The following SNTN variants were observed in gnomAD, a reference collection of about 807,000 sequenced individuals.
SNTN encodes the protein sentan, cilia apical structure protein.
In SNTN, 13 loss-of-function variants were observed where a neutral mutation model predicts 12.3. That is an observed-to-expected ratio of 1.05 (90% CI 0.69 to 1.67). The LOEUF (loss-of-function observed/expected upper bound fraction) is 1.67, where lower values mean the gene tolerates loss of function less well. SNTN is among the 40% of genes most tolerant of loss of function. The pLI is 0.00. For missense variants in SNTN, 189 were observed against 169.8 expected (o/e 1.11, Z -0.63); for synonymous variants, 69 against 58.5 (o/e 1.18, Z -0.82).
chr3:63,662,266 G>C (rs1410459354), intron 3 of SNTN, among the ~76,000 whole-genome samples: 1 of 152,152 alleles, frequency 6.6e-6, no homozygotes, highest in Non-Finnish European at 1.5e-5. Context: ...TCCTAACTGG[G>C]CTTTCTCCTC....
Position 63,664,535 on chromosome 3 carries a change from A to T in SNTN, c.*440A>T, listed in dbSNP as rs1565984. ...GAGATAGACATTGAACAATTTTTAA[A>T]TAATTGCATACACAGTATAATTAGA... On this transcript the variant is annotated 3_prime_UTR_variant, in exon 4 of 4. Coordinates refer to ENST00000343837, the MANE Select transcript of SNTN (RefSeq NM_001080537.2). 0.17 allele frequency: 26,014 copies of T among 154,312 alleles called. 2,250 individuals carry two copies. Among genetic ancestry groups the T allele is most frequent in the African/African-American group, 0.2 (8,263 of 41,508 alleles). The allele number at this position is 154,312 out of a possible 1,614,324, so 9.6% of individuals were successfully genotyped here. A position where few individuals can be genotyped will look rare whatever the true frequency, so the allele number is the denominator to read the frequency against.
chr3:63,664,178 A>G lies in SNTN; in HGVS notation c.*83A>G. The G allele has an allele frequency of 1.5e-6, 2 of 1,318,280 alleles. No individual in the cohort carries two copies. Among genetic ancestry groups the G allele is most frequent in the Non-Finnish European group, 2.1e-6 (2 of 975,562 alleles). 81.7% of individuals were successfully genotyped at this position (1,318,280 alleles called of 1,614,324 possible). On this transcript the variant is annotated 3_prime_UTR_variant, in exon 4 of 4. Coordinates refer to ENST00000343837, the MANE Select transcript of SNTN (RefSeq NM_001080537.2). ...CCATCTTATTTTTGATTAATTGAAT[A>G]TATCTATCATGCATCTGAAATTGCC...
At position 63,664,378 on chromosome 3, in the gene SNTN, T is replaced by G; in HGVS notation, c.*283T>G. On this transcript the variant is annotated 3_prime_UTR_variant, in exon 4 of 4. Coordinates refer to ENST00000343837, the MANE Select transcript of SNTN (RefSeq NM_001080537.2). ...CAGTAGCGACCTAGAGCACTCTACTTATAGTCATTGAGTCACTCATTTATT... is the reference window on the plus strand; with the variant it reads ...CAGTAGCGACCTAGAGCACTCTACTGATAGTCATTGAGTCACTCATTTATT... The G allele has an allele frequency of 3.9e-6, 1 of 256,512 alleles. No homozygotes were observed. 15.9% of individuals were successfully genotyped at this position (256,512 alleles called of 1,614,324 possible).
In SNTN at chr3:63,664,208, A is replaced by T. The variant is rs901364377; in HGVS notation, c.*113A>T. 8 of 1,057,226 alleles carry T rather than the reference A, an allele frequency of 7.6e-6. No homozygotes were observed. Among genetic ancestry groups the T allele is most frequent in the Middle Eastern group, 3.1e-4 (1 of 3,198 alleles). 65.5% of individuals were successfully genotyped at this position (1,057,226 alleles called of 1,614,324 possible). On this transcript the variant is annotated 3_prime_UTR_variant, in exon 4 of 4. Transcript: ENST00000343837. ...TATCATGCATCTGAAATTGCCTAGG[A>T]TGGTTCTGATTGCTGGTATTCAGAT... is the stretch of plus-strand genomic sequence containing the variant.
chr3:63,662,785 C>A (rs1410900316), intron 3 of SNTN, among the ~76,000 whole-genome samples: 1 of 152,180 alleles, frequency 6.6e-6, no homozygotes, highest in African/African-American at 2.4e-5. Flanking sequence ...GTACACCTAG[C>A]ACATGGGTGA....
intron 2 of SNTN, among the ~76,000 whole-genome samples, chr3:63,658,230 C>T (rs1185499431): frequency 6.6e-6 from 1 of 151,958 alleles, no homozygotes; most frequent in Admixed American, 6.6e-5. Context: ...TCACCCTGAA[C>T]CTCACCCTTT....
At chr3:63,656,621 G>A (rs1700682009) in intron 2 of SNTN, among the ~76,000 whole-genome samples, 1 of 152,038 alleles carries the variant, frequency 6.6e-6, no homozygotes, top group Non-Finnish European at 1.5e-5. Context: ...CTTTAAAGTG[G>A]CCATCTATCA....
At position 63,652,775 on chromosome 3, in the gene SNTN, G is replaced by T. The variant is rs753635859; in HGVS notation, c.88G>T (p.Ala30Ser). 6.8e-6 allele frequency: 11 copies of T among 1,614,006 alleles called. No homozygotes were observed. The highest frequency in any genetic ancestry group is 8.5e-6 in the Non-Finnish European group (10 of 1,179,920). The change falls in exon 1 of 4, where the codon GCA becomes TCA. Residue 30 changes from alanine to serine, a missense_variant. Ala to Ser is a moderately conservative substitution (Grantham distance 99). Coordinates refer to ENST00000343837, the MANE Select transcript of SNTN (RefSeq NM_001080537.2). Reference sequence around the variant, plus strand: ...TTCTGCAGCCCCAACATCCACCTGCGCACCTAGGAAAATGCCCAAAAGGTC... The same window carrying T: ...TTCTGCAGCCCCAACATCCACCTGCTCACCTAGGAAAATGCCCAAAAGGTC... ...NPSAAPTSTCAPRKMPKRISI... is the reference protein window; with the variant it reads ...NPSAAPTSTCSPRKMPKRISI...
In SNTN at chr3:63,660,973, T is replaced by C. The variant is rs1366486710; in HGVS notation, c.285+1109T>C. ...CATTGAATACCATATTTAGTATTTT[T>C]CCCACAACTGCCTATAGCCTGTGTT... On this transcript the variant is annotated intron_variant, in intron 3 of 3. Coordinates refer to ENST00000343837, the MANE Select transcript of SNTN (RefSeq NM_001080537.2). 1.2e-4 allele frequency among the ~76,000 whole-genome samples: 19 copies of C among 152,240 alleles called. 1 individual carries two copies. Among genetic ancestry groups the C allele is most frequent in the Non-Finnish European group, 2.8e-4 (19 of 68,040 alleles).
intron 1 of SNTN, 91 bp downstream of exon 1, chr3:63,652,888 G>A: frequency 8.3e-7 from 1 of 1,210,000 alleles, no homozygotes; most frequent in Non-Finnish European, 1.2e-6. Context: ...TATAAGCCAA[G>A]TTATTGCCAG....
intron 3 of SNTN, among the ~76,000 whole-genome samples, chr3:63,661,909 T>C (rs1442955465): frequency 6.6e-6 from 1 of 152,158 alleles, no homozygotes; most frequent in South Asian, 2.1e-4. Context: ...ACCATCTTGA[T>C]GTAACTCATC....
intron 2 of SNTN, among the ~76,000 whole-genome samples, chr3:63,659,108 A>G (rs928486246): frequency 6.6e-6 from 1 of 152,190 alleles, no homozygotes; most frequent in Non-Finnish European, 1.5e-5. Flanking sequence ...TAACTTGTAC[A>G]TTTCCCTGTG....
intron 3 of SNTN, among the ~76,000 whole-genome samples, chr3:63,660,990 G>C (rs1369420568): frequency 6.6e-6 from 1 of 152,160 alleles, no homozygotes; most frequent in East Asian, 1.9e-4. Flanking sequence ...ACTGCCTATA[G>C]CCTGTGTTGC....
rs372269424 is a variant in SNTN at position 63,654,713 on chromosome 3, C to T, written c.111-49C>T. On this transcript the variant is annotated intron_variant, in intron 1 of 3. Coordinates refer to ENST00000343837, the MANE Select transcript of SNTN (RefSeq NM_001080537.2). ...ATTGCTCTGCTATAGATGCTGATAT[C>T]AATACCCCAACTCCCAGAATCATTC... The T allele has an allele frequency of 4.2e-5, 66 of 1,556,206 alleles. No homozygotes were observed. The African/African-American group carries it at 8.1e-4, about 19-fold the overall frequency.
rs950717787 is a variant in SNTN, at chr3:63,659,785, A to T, written c.206A>T (p.Asn69Ile). 5 of 1,613,842 alleles carry T rather than the reference A, an allele frequency of 3.1e-6. No homozygotes were observed. Among genetic ancestry groups the T allele is most frequent in the Admixed American group, 1.7e-5 (1 of 59,986 alleles). The change falls in exon 3 of 4, where the codon AAT becomes ATT. Residue 69 changes from asparagine to isoleucine, a missense_variant. Physicochemically the swap from Asn to Ile is moderately radical, Grantham distance 149. Coordinates refer to ENST00000343837, the MANE Select transcript of SNTN (RefSeq NM_001080537.2). ...GCCACCACTGCTCTGATTTTCAGAA[A>T]TTCTTCTGACTCTGATGGTAAACTT... ...AIATTALIFRNSSDSDGKLEK... is the reference protein window; with the variant it reads ...AIATTALIFRISSDSDGKLEK...
At chr3:63,663,745 A>T in intron 3 of SNTN, 192 bp from the exon 4 acceptor site, 1 of 716,844 alleles carries the variant, frequency 1.4e-6, no homozygotes, top group African/African-American at 1.7e-5. Flanking sequence ...GGTCCTCACC[A>T]CATGCAGATG....
At chr3:63,654,690 T>C in intron 1 of SNTN, 72 bp from the exon 2 acceptor site, 5 of 1,296,778 alleles carry the variant, frequency 3.9e-6, no homozygotes, top group Non-Finnish European at 5.5e-6. Flanking sequence ...ATCATTATAT[T>C]GCTCTGCTAT....
rs770746327 is a variant in SNTN at position 63,663,998 on chromosome 3, A to G, written c.347A>G (p.Asn116Ser). The G allele has an allele frequency of 6.2e-7, 1 of 1,614,108 alleles. No individual in the cohort carries two copies. Among genetic ancestry groups the G allele is most frequent in the South Asian group, 1.1e-5 (1 of 91,060 alleles). ...ILSELDEHTENKLDFEDFMIL... is the reference protein window; with the variant it reads ...ILSELDEHTESKLDFEDFMIL... ...TCTGAACTTGATGAGCACACAGAAA[A>G]TAAGCTAGATTTTGAAGACTTCATG... The change falls in exon 4 of 4, where the codon AAT becomes AGT. Residue 116 changes from asparagine to serine, a missense_variant. Physicochemically the swap from Asn to Ser is conservative, Grantham distance 46. Coordinates refer to ENST00000343837, the MANE Select transcript of SNTN (RefSeq NM_001080537.2).
At chr3:63,661,074 G>A (rs1438092297) in intron 3 of SNTN, among the ~76,000 whole-genome samples, 1 of 152,026 alleles carries the variant, frequency 6.6e-6, no homozygotes, top group Non-Finnish European at 1.5e-5. Context: ...TATTCTTATT[G>A]TAAATTCAGT....
Sources: allele counts gnomAD v4.1 joint callset (sites outside exome capture counted in the v4.1 genomes callset), GRCh38; gene constraint gnomAD v4.1.1; transcripts MANE v1.5; gene names NCBI Gene and HGNC (gene_info 2026-07-23, HGNC 2026-07-21).